Variants in CSMD1 observed in about 807,000 individuals in gnomAD.
The protein encoded by CSMD1 is CUB and Sushi multiple domains 1.
Under a neutral mutation model 417.5 loss-of-function variants are expected in CSMD1, and 213 were observed. The ratio of observed to expected loss-of-function variants is 0.51; its 90% CI spans 0.46 to 0.57. The LOEUF (loss-of-function observed/expected upper bound fraction) is 0.57, where lower values mean the gene tolerates loss of function less well. Ranked by LOEUF, CSMD1 falls within the 20% of genes least tolerant of loss-of-function variation. The probability of loss-of-function intolerance (pLI) is 0.00; values close to 1 mark genes in which losing one functional copy is unlikely to be tolerated. For synonymous variants in CSMD1, 2,862 were observed against 1,736.8 expected, an observed-to-expected ratio of 1.65 and a Z score of -16.11; for missense variants, 6,923 against 4,529.7, an observed-to-expected ratio of 1.53 and a Z score of -15.17.
chr8:4,027,510 C>G (rs111256757), intron 4 of CSMD1, among the ~76,000 whole-genome samples: 37 of 152,244 alleles, frequency 2.4e-4, no homozygotes, highest in African/African-American at 8.9e-4. Flanking sequence ...GGGTCTTTCA[C>G]CCTTCACTCT....
chr8:4,251,465 C>G (rs558346332), intron 3 of CSMD1, among the ~76,000 whole-genome samples: 1 of 152,228 alleles, frequency 6.6e-6, no homozygotes, highest in East Asian at 1.9e-4. Flanking sequence ...CTACACCATG[C>G]AGTGTTGTAG....
chr8:4,890,769 A>T (rs901644502), intron 1 of CSMD1, among the ~76,000 whole-genome samples: 3 of 152,250 alleles, frequency 2.0e-5, no homozygotes, highest in Admixed American at 2.0e-4. Flanking sequence ...AAGAAAGCGC[A>T]ATCACTTTTG....
At chr8:3,126,525 A>G (rs958083612) in intron 41 of CSMD1, among the ~76,000 whole-genome samples, 1 of 152,172 alleles carries the variant, frequency 6.6e-6, no homozygotes, top group Admixed American at 6.5e-5. Context: ...GAAAAGATCC[A>G]TCTGGGGTCT....
chr8:4,100,168 G>A (rs74765579), intron 3 of CSMD1, among the ~76,000 whole-genome samples: 4,276 of 152,200 alleles, frequency 0.028, 88 homozygotes, highest in Non-Finnish European at 0.043. Flanking sequence ...GTAAAATGGG[G>A]CATATACTAC....
intron 2 of CSMD1, among the ~76,000 whole-genome samples, chr8:4,626,839 C>G (rs182820407): frequency 7.9e-5 from 12 of 152,142 alleles, no homozygotes; most frequent in African/African-American, 2.9e-4. Context: ...GGTTCTAAGA[C>G]ATAAGCAAGA....
chr8:3,150,439 G>A (rs988654996), intron 40 of CSMD1, among the ~76,000 whole-genome samples: 24 of 152,076 alleles, frequency 1.6e-4, no homozygotes, highest in African/African-American at 4.3e-4. Context: ...TTCATTCCCC[G>A]GCCACTCTCT....
intron 3 of CSMD1, among the ~76,000 whole-genome samples, chr8:4,272,510 T>C (rs1804668661): frequency 6.6e-6 from 1 of 152,140 alleles, no homozygotes. Context: ...TTTCAAAAAA[T>C]ACATAGAAAC....
At chr8:3,988,495 C>A (rs1814501334) in intron 5 of CSMD1, among the ~76,000 whole-genome samples, 1 of 152,214 alleles carries the variant, frequency 6.6e-6, no homozygotes, top group African/African-American at 2.4e-5. Flanking sequence ...GGAACAGCAG[C>A]ACCAACCAGA....
intron 10 of CSMD1, among the ~76,000 whole-genome samples, chr8:3,549,033 T>C (rs1563143260): frequency 6.6e-6 from 1 of 152,174 alleles, no homozygotes; most frequent in Non-Finnish European, 1.5e-5. Context: ...AAGGAAGACC[T>C]GCTCCTCGAA....
At chr8:3,634,673 C>G (rs113899587) in intron 7 of CSMD1, among the ~76,000 whole-genome samples, 211 of 152,274 alleles carry the variant, frequency 1.4e-3, no homozygotes, top group African/African-American at 4.8e-3. Context: ...AACTGCACAT[C>G]CAACAAATGA....
chr8:4,002,492 C>G (rs1348553834), intron 4 of CSMD1, among the ~76,000 whole-genome samples: 3 of 152,186 alleles, frequency 2.0e-5, no homozygotes, highest in East Asian at 3.9e-4. Flanking sequence ...ACAGGATGAT[C>G]AATTTTATAA....
intron 3 of CSMD1, among the ~76,000 whole-genome samples, chr8:4,187,162 T>C (rs1333499728): frequency 7.9e-5 from 12 of 152,020 alleles, no homozygotes; most frequent in Non-Finnish European, 1.8e-4. Context: ...GCTTGTAGTA[T>C]TAAAAATAAG....
intron 5 of CSMD1, among the ~76,000 whole-genome samples, chr8:3,781,411 T>G (rs948743424): frequency 2.6e-5 from 4 of 152,264 alleles, no homozygotes; most frequent in East Asian, 1.9e-4. Context: ...TGAGGCCAGG[T>G]GGACTGGGAG....
At chr8:3,879,414 G>T (rs1806055529) in intron 5 of CSMD1, among the ~76,000 whole-genome samples, 1 of 152,116 alleles carries the variant, frequency 6.6e-6, no homozygotes, top group Non-Finnish European at 1.5e-5. Context: ...CAATTAATCT[G>T]GAGGAAATGA....
intron 1 of CSMD1, among the ~76,000 whole-genome samples, chr8:4,930,044 G>A (rs1157275816): frequency 2.0e-5 from 3 of 152,166 alleles, no homozygotes; most frequent in African/African-American, 4.8e-5. Context: ...GGTGCACGGT[G>A]CAGAAGCAAA....
chr8:4,438,121 G>A (rs1382476869), intron 2 of CSMD1, among the ~76,000 whole-genome samples: 1 of 152,132 alleles, frequency 6.6e-6, no homozygotes, highest in Admixed American at 6.5e-5. Context: ...ACACTACGCT[G>A]CACTCAGAAA....
intron 4 of CSMD1, among the ~76,000 whole-genome samples, chr8:4,005,904 C>G (rs1157373421): frequency 6.6e-6 from 1 of 152,146 alleles, no homozygotes; most frequent in East Asian, 1.9e-4. Flanking sequence ...TGGGAATTGG[C>G]TTAGAAGTTG....
intron 2 of CSMD1, among the ~76,000 whole-genome samples, chr8:4,626,392 A>G (rs1281393951): frequency 3.3e-5 from 5 of 152,052 alleles, no homozygotes; most frequent in South Asian, 4.2e-4. Flanking sequence ...TATTGGTTAT[A>G]AAGTATGTGG....
chr8:4,013,117 T>C (rs1019025262), intron 4 of CSMD1, among the ~76,000 whole-genome samples: 1 of 152,180 alleles, frequency 6.6e-6, no homozygotes, highest in Non-Finnish European at 1.5e-5. Context: ...ATGTCGTTTT[T>C]CTTCTCGTAT....
Sources: gnomAD v4.1 joint callset for allele counts (sites outside exome capture counted in the v4.1 genomes callset) on GRCh38, gnomAD v4.1.1 for gene constraint, MANE v1.5 for transcripts, NCBI Gene and HGNC (gene_info 2026-07-23, HGNC 2026-07-21) for gene names.